ATAD3B: variants seen among roughly 807,000 people sequenced by gnomAD.
The protein encoded by ATAD3B is ATPase family AAA domain-containing protein 3B.
In ATAD3B, 59 loss-of-function variants were observed where a neutral mutation model predicts 70.2. The observed-to-expected ratio is 0.84, with a 90% CI of 0.68 to 1.04. The LOEUF (loss-of-function observed/expected upper bound fraction) is 1.04, where lower values mean the gene tolerates loss of function less well. Ranked by LOEUF, ATAD3B falls within the 50% of genes least tolerant of loss-of-function variation. The pLI, the probability that ATAD3B is intolerant of heterozygous loss-of-function variation, is 0.00. For synonymous variants in ATAD3B, 423 were observed against 388.6 expected (o/e 1.09, Z -1.04); for missense variants, 961 against 913.4 (o/e 1.05, Z -0.67).
chr1:1,499,586 CTTTTTT>C (rs71578322), downstream of ATAD3B, among the ~76,000 whole-genome samples: 45 of 65,766 alleles, frequency 6.8e-4, no homozygotes, highest in Non-Finnish European at 1.1e-3. Flanking sequence ...CCAAACAGCT[CTTTTTT>C]TTTTTTTTTT....
chr1:1,486,733 G>T lies in ATAD3B; in HGVS notation c.1214+65G>T, dbSNP rs907480205. ...GGCCCAGCAGGCTGCCTTCTGGGAA[G>T]GGGGTCCAGGTGTCTCTTGGGGACC... On this transcript the variant is annotated intron_variant, in intron 11 of 15. Transcript: ENST00000673477. 10 of 1,486,582 alleles carry T rather than the reference G, an allele frequency of 6.7e-6. No individual in the cohort carries two copies. The East Asian group carries it at 1.7e-4, about 25-fold the overall frequency. 92.1% of individuals were successfully genotyped at this position (1,486,582 alleles called of 1,614,324 possible).
intron 13 of ATAD3B, chr1:1,489,865 G>A: frequency 1.6e-6 from 2 of 1,217,716 alleles, no homozygotes; most frequent in Non-Finnish European, 2.1e-6. Context: ...CTGAACCCGG[G>A]CCCCCGAGGT....
At chr1:1,477,568 G>T (rs1290947733) in intron 2 of ATAD3B, among the ~76,000 whole-genome samples, 1 of 151,856 alleles carries the variant, frequency 6.6e-6, no homozygotes, top group African/African-American at 2.4e-5. Context: ...TGTTGGTGAG[G>T]GCGTCTGGTC....
chr1:1,506,286 A>C, the ATAD3B span, among the ~76,000 whole-genome samples: 2 of 152,218 alleles, frequency 1.3e-5, no homozygotes, highest in South Asian at 2.1e-4. Flanking sequence ...AGATCCCTAG[A>C]GGTTCCATAT....
At chr1:1,491,427 A>T (rs1174027210) in intron 15 of ATAD3B, among the ~76,000 whole-genome samples, 1 of 151,988 alleles carries the variant, frequency 6.6e-6, no homozygotes, top group Non-Finnish European at 1.5e-5. Flanking sequence ...GCCACACGGG[A>T]GGCTGAGGCA....
intron 12 of ATAD3B, 155 bp from the exon 13 acceptor site, chr1:1,489,049 A>G (rs781602962): frequency 1.4e-4 from 192 of 1,360,826 alleles, no homozygotes; most frequent in Non-Finnish European, 1.8e-4. Context: ...TGCTTGAGCC[A>G]CCGCCCCTGG....
intron 7 of ATAD3B, chr1:1,483,032 G>A (rs1640006603): frequency 2.2e-6 from 1 of 456,580 alleles, no homozygotes; most frequent in Admixed American, 2.4e-5. Context: ...TAGTGGCTCA[G>A]GCCTGTAATC....
intron 12 of ATAD3B, 66 bp downstream of exon 12, chr1:1,487,980 G>A (rs1415779994): frequency 3.1e-6 from 5 of 1,594,742 alleles, no homozygotes; most frequent in Non-Finnish European, 4.3e-6. Context: ...TGTCATCCTG[G>A]GCCAGGCTGC....
At chr1:1,489,511 G>A (rs901465742) in intron 13 of ATAD3B, 27 of 979,046 alleles carry the variant, frequency 2.8e-5, no homozygotes, top group African/African-American at 1.7e-4. Context: ...CCTGTGCGCC[G>A]CCGCCCCAGC....
intron 15 of ATAD3B, among the ~76,000 whole-genome samples, chr1:1,494,340 T>C (rs938948445): frequency 6.6e-5 from 10 of 152,078 alleles, no homozygotes; most frequent in African/African-American, 2.4e-4. Flanking sequence ...GGGTGGACCC[T>C]GAGGGTCCCT....
At chr1:1,483,866 A>G (rs1302992889) in intron 7 of ATAD3B, 1 of 152,202 alleles carries the variant, frequency 6.6e-6, no homozygotes, top group East Asian at 1.9e-4. Context: ...TCTCACCAAC[A>G]TGGCAACACC....
chr1:1,486,806 G>A lies in ATAD3B; in HGVS notation c.1214+138G>A, dbSNP rs1640246508. The A allele has an allele frequency of 1.1e-5, 16 of 1,483,554 alleles. 1 individual carries two copies. Among genetic ancestry groups the A allele is most frequent in the Non-Finnish European group, 1.3e-5 (15 of 1,116,874 alleles). 91.9% of individuals were successfully genotyped at this position (1,483,554 alleles called of 1,614,324 possible). On this transcript the variant is annotated intron_variant, in intron 11 of 15. Transcript: ENST00000673477. ...TTGTGGCCACGCAGGAGGCCCAATGGAGGGTCCCTCGGAGGGAAAGTCCCC... is the reference window on the plus strand; with the variant it reads ...TTGTGGCCACGCAGGAGGCCCAATGAAGGGTCCCTCGGAGGGAAAGTCCCC...
the ATAD3B span, among the ~76,000 whole-genome samples, chr1:1,505,218 C>G: frequency 2.6e-5 from 4 of 152,186 alleles, no homozygotes; most frequent in East Asian, 7.8e-4. Context: ...CACGTGTCCA[C>G]TGGACGGGGG....
chr1:1,480,009 CAT>C (rs1190091953), intron 4 of ATAD3B, among the ~76,000 whole-genome samples: 1 of 145,370 alleles, frequency 6.9e-6, no homozygotes, highest in African/African-American at 2.6e-5. Context: ...CCCCCTCACA[CAT>C]AGGCACACAT....
chr1:1,489,844 C>G, intron 13 of ATAD3B: 16 of 1,230,836 alleles, frequency 1.3e-5, no homozygotes, highest in Non-Finnish European at 1.6e-5. Context: ...TGGGGCCCTG[C>G]TGAGCCTCTG....
At chr1:1,484,389 G>C (rs1640091246) in intron 7 of ATAD3B, 2 of 152,194 alleles carry the variant, frequency 1.3e-5, no homozygotes, top group Admixed American at 1.3e-4. Flanking sequence ...CATCCTGTTA[G>C]CCAAGATGGT....
At chr1:1,499,058 A>C (rs1206934265), downstream of ATAD3B, among the ~76,000 whole-genome samples, 2 of 144,608 alleles carry the variant, frequency 1.4e-5, no homozygotes, top group African/African-American at 5.2e-5. Flanking sequence ...TGCAAGCTCC[A>C]CCTCCCGGGT....
chr1:1,478,685 C>G lies in ATAD3B; in HGVS notation c.324C>G (p.Ile108Met), dbSNP rs768890409. The G allele has an allele frequency of 3.9e-6, 6 of 1,542,764 alleles. No individual in the cohort carries two copies. The highest frequency in any genetic ancestry group is 2.4e-5 in the South Asian group (2 of 83,658). ...TGGAGCAGCTCAAGAGCGAGCAGAT[C>G]CGGGCGCAGGCTGAGGAGAGGAGGA... The part of the protein sequence containing the change: ...AAVEQLKSEQ[I>M]RAQAEERRKT... The change falls in exon 3 of 16, where the codon ATC (isoleucine) becomes ATG (methionine). Residue 108 changes from isoleucine to methionine, a missense_variant. By Grantham distance (10) the Ile-to-Met change is conservative. Around this residue, in one of 4 missense-constraint regions of ATAD3B, gnomAD observed 187 missense variants for 244.3 expected, o/e 0.77. Coordinates refer to ENST00000673477, the MANE Select transcript of ATAD3B (RefSeq NM_031921.6).
intron 15 of ATAD3B, among the ~76,000 whole-genome samples, chr1:1,493,583 C>A (rs1324147557): frequency 6.6e-6 from 1 of 151,768 alleles, no homozygotes; most frequent in Non-Finnish European, 1.5e-5. Context: ...TCCCAAAGTG[C>A]TGGGATTACA....
Sources: gnomAD v4.1 joint callset for allele counts (sites outside exome capture counted in the v4.1 genomes callset) on GRCh38, gnomAD v4.1.1 for gene constraint, gnomAD v4.1.1 regional missense constraint, MANE v1.5 for transcripts, NCBI Gene and HGNC (gene_info 2026-07-23, HGNC 2026-07-21) for gene names.